Variants in AKAP19 observed in about 807,000 individuals in gnomAD.
The protein encoded by AKAP19 is A-kinase anchoring protein 19, also known as small A-kinase anchoring protein.
the AKAP19 span, among the ~76,000 whole-genome samples, chr2:190,046,314 A>T: frequency 6.6e-6 from 1 of 152,096 alleles, no homozygotes; most frequent in African/African-American, 2.4e-5. Context: ...GTATAATAAT[A>T]GTCTTACCTC....
the AKAP19 span, among the ~76,000 whole-genome samples, chr2:190,168,074 C>T: frequency 0.043 from 6,616 of 152,256 alleles, 190 homozygotes; most frequent in Non-Finnish European, 0.066. Flanking sequence ...AAACTTCTGC[C>T]TGGACATTCA....
At chr2:189,994,660 G>A in the AKAP19 span, among the ~76,000 whole-genome samples, 2 of 151,846 alleles carry the variant, frequency 1.3e-5, no homozygotes, top group Non-Finnish European at 2.9e-5. Context: ...GTACAGTGGT[G>A]CCATCTTGGC....
At chr2:189,890,513 G>A in the AKAP19 span, among the ~76,000 whole-genome samples, 2 of 152,156 alleles carry the variant, frequency 1.3e-5, no homozygotes, top group African/African-American at 4.8e-5. Context: ...AATATTGACA[G>A]TGGGGTGTTA....
the AKAP19 span, chr2:190,200,080 T>C: frequency 3.1e-6 from 5 of 1,613,962 alleles, no homozygotes; most frequent in East Asian, 4.5e-5. Context: ...GTGTGATGCC[T>C]TGCAGCAATG....
chr2:190,018,277 A>G, the AKAP19 span, among the ~76,000 whole-genome samples: 3 of 152,026 alleles, frequency 2.0e-5, no homozygotes, highest in East Asian at 3.9e-4. Flanking sequence ...ATCCTATTCT[A>G]TCAACTTTTT....
the AKAP19 span, among the ~76,000 whole-genome samples, chr2:190,133,516 A>T: frequency 5.2e-4 from 79 of 152,244 alleles, no homozygotes; most frequent in African/African-American, 1.8e-3. Flanking sequence ...TTCCTCAAAA[A>T]ACAGATCTAC....
At chr2:190,196,115 T>C in the AKAP19 span, among the ~76,000 whole-genome samples, 2 of 152,086 alleles carry the variant, frequency 1.3e-5, no homozygotes, top group Admixed American at 1.3e-4. Context: ...GGCTTTTTCA[T>C]ATGTTGGTTT....
At chr2:190,006,070 C>T in the AKAP19 span, among the ~76,000 whole-genome samples, 1 of 152,134 alleles carries the variant, frequency 6.6e-6, no homozygotes, top group African/African-American at 2.4e-5. Context: ...TAAAGGTGGC[C>T]ATTTAAACAT....
At chr2:190,104,208 A>G in the AKAP19 span, among the ~76,000 whole-genome samples, 1 of 152,230 alleles carries the variant, frequency 6.6e-6, no homozygotes, top group East Asian at 1.9e-4. Context: ...AAAGATTTAA[A>G]TGTAAGACCT....
chr2:190,060,423 A>C, the AKAP19 span: 1,282 of 1,609,852 alleles, frequency 8.0e-4, 11 homozygotes, highest in African/African-American at 0.015. Context: ...ATCCACTTGC[A>C]TTAGAAAATC....
At chr2:190,185,114 T>G in the AKAP19 span, among the ~76,000 whole-genome samples, 1 of 152,204 alleles carries the variant, frequency 6.6e-6, no homozygotes, top group Non-Finnish European at 1.5e-5. Context: ...TTTTCAGTGC[T>G]CAAAATTACA....
the AKAP19 span, among the ~76,000 whole-genome samples, chr2:190,128,523 G>A: frequency 9.9e-5 from 15 of 152,208 alleles, no homozygotes; most frequent in African/African-American, 3.4e-4. Context: ...TCTAGTGCTG[G>A]TTCTGCCAAA....
At chr2:190,111,627 A>G in the AKAP19 span, among the ~76,000 whole-genome samples, 1 of 152,138 alleles carries the variant, frequency 6.6e-6, no homozygotes, top group Non-Finnish European at 1.5e-5. Context: ...TGCAGGCAAT[A>G]ATAAGCCTCC....
chr2:190,195,264 T>C, the AKAP19 span, among the ~76,000 whole-genome samples: 2 of 152,224 alleles, frequency 1.3e-5, no homozygotes, highest in African/African-American at 2.4e-5. Flanking sequence ...TTCAAAGTTA[T>C]GAATAAAGCT....
chr2:189,939,195 T>G, the AKAP19 span, among the ~76,000 whole-genome samples: 3 of 152,168 alleles, frequency 2.0e-5, no homozygotes, highest in Admixed American at 6.5e-5. Flanking sequence ...AGATGCCAAA[T>G]CAATCAGTGT....
At chr2:189,998,187 A>G in the AKAP19 span, among the ~76,000 whole-genome samples, 1 of 152,152 alleles carries the variant, frequency 6.6e-6, no homozygotes, top group African/African-American at 2.4e-5. Flanking sequence ...TCTTTCAAAG[A>G]ATCTGTGAAT....
chr2:190,124,268 G>C, the AKAP19 span, among the ~76,000 whole-genome samples: 1 of 152,184 alleles, frequency 6.6e-6, no homozygotes, highest in Non-Finnish European at 1.5e-5. Context: ...TGCATTGTTA[G>C]GCAATTTCAT....
the AKAP19 span, among the ~76,000 whole-genome samples, chr2:189,995,246 G>A: frequency 6.6e-6 from 1 of 152,158 alleles, no homozygotes; most frequent in Non-Finnish European, 1.5e-5. Flanking sequence ...CTATTAATGT[G>A]TTGCTATCTA....
the AKAP19 span, among the ~76,000 whole-genome samples, chr2:190,076,444 G>T: frequency 7.9e-5 from 12 of 152,258 alleles, no homozygotes; most frequent in South Asian, 2.5e-3. Flanking sequence ...AAGCCTGAAA[G>T]AAATCCTTTA....
Sources: allele counts gnomAD v4.1 joint callset (sites outside exome capture counted in the v4.1 genomes callset), GRCh38; gene constraint gnomAD v4.1.1; transcripts MANE v1.5; gene names NCBI Gene and HGNC (gene_info 2026-07-23, HGNC 2026-07-21).